TENT4B: variants seen among roughly 807,000 people sequenced by gnomAD.
The protein encoded by TENT4B is PAP associated domain containing 5.
In TENT4B, 10 loss-of-function variants were observed where a neutral mutation model predicts 75.0. The observed-to-expected ratio is 0.13, with a 90% CI of 0.08 to 0.23. The LOEUF is 0.23. Among genes scored for constraint, TENT4B ranks in the 10% least tolerant of loss-of-function variants. The probability of loss-of-function intolerance (pLI) is 1.00; values close to 1 mark genes in which losing one functional copy is unlikely to be tolerated. For synonymous variants in TENT4B, 350 were observed against 357.7 expected (o/e 0.98, Z 0.24); for missense variants, 579 against 893.8 (o/e 0.65, Z 4.49).
Position 50,221,251 on chromosome 16 carries a change from A to G in TENT4B, c.1039-1055A>G, listed in dbSNP as rs566012464. ...AGCCTGGGTGACAGAATGAGGGGGA[A>G]AAAAATGGAAATCACTAGTAATTTT... is the stretch of plus-strand genomic sequence containing the variant. On this transcript the variant is annotated intron_variant, in intron 5 of 11. Coordinates refer to ENST00000561678, the MANE Select transcript of TENT4B (RefSeq NM_001365324.3). 7.2e-5 allele frequency among the ~76,000 whole-genome samples: 11 copies of G among 152,304 alleles called. No individual in the cohort carries two copies. In the East Asian group the frequency reaches 1.9e-3, roughly 27 times the overall value.
intron 1 of TENT4B, among the ~76,000 whole-genome samples, chr16:50,187,448 T>C (rs1293250372): frequency 6.6e-6 from 1 of 151,930 alleles, no homozygotes; most frequent in Non-Finnish European, 1.5e-5. Flanking sequence ...CCAGGCATGG[T>C]GATGCATACC....
intron 1 of TENT4B, among the ~76,000 whole-genome samples, chr16:50,177,981 G>A (rs2038341562): frequency 6.6e-6 from 1 of 151,876 alleles, no homozygotes; most frequent in African/African-American, 2.4e-5. Flanking sequence ...CTGTTATTTA[G>A]AAGTGTATTG....
intron 1 of TENT4B, among the ~76,000 whole-genome samples, chr16:50,206,680 A>T (rs1007657273): frequency 9.2e-5 from 14 of 152,084 alleles, no homozygotes; most frequent in African/African-American, 3.4e-4. Context: ...CCCTTGGCCT[A>T]GAAGGCACAA....
At chr16:50,194,220 T>TC (rs2030054859) in intron 1 of TENT4B, among the ~76,000 whole-genome samples, 1 of 150,950 alleles carries the variant, frequency 6.6e-6, no homozygotes, top group Non-Finnish European at 1.5e-5. Context: ...TTCTTTCTTT[T>TC]TTTTTTTTTC....
Position 50,234,018 on chromosome 16 carries a change from C to G in TENT4B, c.*4690C>G. ...GTGGCTTCACCACTGAGCTACCTTT[C>G]ACTACACCAGCTTCTGTGTGGCCTG... On this transcript the variant is annotated 3_prime_UTR_variant, in exon 12 of 12. Transcript: ENST00000561678. 2 of 985,462 alleles carry G rather than the reference C, an allele frequency of 2.0e-6. No individual in the cohort carries two copies. The highest frequency in any genetic ancestry group is 2.4e-6 in the Non-Finnish European group (2 of 829,932). 61.0% of individuals were successfully genotyped at this position (985,462 alleles called of 1,614,324 possible).
At chr16:50,162,469 A>G (rs2150670370) in intron 1 of TENT4B, among the ~76,000 whole-genome samples, 1 of 152,286 alleles carries the variant, frequency 6.6e-6, no homozygotes, top group African/African-American at 2.4e-5. Context: ...CCTTGCTAGC[A>G]TTTAGTGTTA....
At chr16:50,156,345 ATTT>A (rs11346495) in intron 1 of TENT4B, among the ~76,000 whole-genome samples, 8 of 141,434 alleles carry the variant, frequency 5.7e-5, no homozygotes, top group Admixed American at 2.1e-4. Flanking sequence ...ATGTATTCTG[ATTT>A]TTTTTTTTTT....
intron 1 of TENT4B, among the ~76,000 whole-genome samples, chr16:50,206,317 A>G (rs1004172354): frequency 6.7e-6 from 1 of 150,280 alleles, no homozygotes; most frequent in Admixed American, 6.6e-5. Context: ...TCAAAATTGG[A>G]TATCATGAAC....
Position 50,217,538 on chromosome 16 carries a change from C to A in TENT4B, c.931-18C>A. The A allele has an allele frequency of 3.0e-6, 4 of 1,316,610 alleles. No homozygotes were observed. Among genetic ancestry groups the A allele is most frequent in the Non-Finnish European group, 4.1e-6 (4 of 966,156 alleles). 81.6% of individuals were successfully genotyped at this position (1,316,610 alleles called of 1,614,324 possible). On this transcript the variant is annotated intron_variant, in intron 4 of 11. Transcript: ENST00000561678. ...ATCTGGTTAAAGCATTTACATTTTA[C>A]CTTTCTTCTCTTTATAGGTACCTAT... is the stretch of plus-strand genomic sequence containing the variant.
In TENT4B at chr16:50,189,063, G is replaced by A. The variant is rs972235303; in HGVS notation, c.639-22260G>A. On this transcript the variant is annotated intron_variant, in intron 1 of 11. Coordinates refer to ENST00000561678, the MANE Select transcript of TENT4B (RefSeq NM_001365324.3). ...ATTTCTTAGTTTTAGCTGGTGATCC[G>A]TATCTTTTTCTTAATTCCATTGTAA... Among the ~76,000 whole-genome samples, 23 of 152,180 alleles carry A rather than the reference G, an allele frequency of 1.5e-4. No individual in the cohort carries two copies. In the East Asian group the frequency reaches 3.1e-3, roughly 20 times the overall value.
At chr16:50,224,854 A>G in intron 8 of TENT4B, 37 bp from the exon 9 acceptor site, 1 of 1,610,070 alleles carries the variant, frequency 6.2e-7, no homozygotes, top group East Asian at 2.2e-5. Flanking sequence ...AATTAATGTT[A>G]TTCCCTCCCT....
intron 6 of TENT4B, 54 bp from the exon 7 acceptor site, chr16:50,223,120 T>A: frequency 7.3e-7 from 1 of 1,374,066 alleles, no homozygotes; most frequent in Non-Finnish European, 1.0e-6. Flanking sequence ...TTATTCCCCC[T>A]CTCCTTGATA....
At chr16:50,214,517 G>A (rs2031449700) in intron 3 of TENT4B, among the ~76,000 whole-genome samples, 2 of 152,210 alleles carry the variant, frequency 1.3e-5, no homozygotes, top group African/African-American at 2.4e-5. Flanking sequence ...TTAGCCAGGC[G>A]TAGCAGTGCG....
chr16:50,174,939 C>T (rs2038276917), intron 1 of TENT4B, among the ~76,000 whole-genome samples: 2 of 151,942 alleles, frequency 1.3e-5, no homozygotes, highest in African/African-American at 4.8e-5. Context: ...GATGGGGTTT[C>T]ACCATCTTAG....
intron 5 of TENT4B, among the ~76,000 whole-genome samples, chr16:50,219,627 A>G (rs1440902134): frequency 6.6e-6 from 1 of 151,978 alleles, no homozygotes; most frequent in African/African-American, 2.4e-5. Context: ...ATTCTGTTGG[A>G]TATTTCCCTA....
intron 1 of TENT4B, among the ~76,000 whole-genome samples, chr16:50,157,464 T>C (rs529654290): frequency 3.3e-5 from 5 of 152,382 alleles, no homozygotes; most frequent in East Asian, 3.9e-4. Context: ...GAGTAAGATA[T>C]TGGATTTCAT....
Position 50,229,810 on chromosome 16 carries a change from T to G in TENT4B, c.*482T>G, listed in dbSNP as rs1391806337. On this transcript the variant is annotated 3_prime_UTR_variant, in exon 12 of 12. Transcript: ENST00000561678. ...TTTTTTTAAATATTTTTGCATATAT[T>G]TACCATTTTATTGTGTGTATATATA... 6 of 954,036 alleles carry G rather than the reference T, an allele frequency of 6.3e-6. No homozygotes were observed. In the South Asian group the frequency reaches 2.4e-4, roughly 39 times the overall value. The allele number at this position is 954,036 out of a possible 1,614,324, so 59.1% of individuals were successfully genotyped here.
chr16:50,200,928 C>T (rs1371729836), intron 1 of TENT4B, among the ~76,000 whole-genome samples: 1 of 151,928 alleles, frequency 6.6e-6, no homozygotes, highest in Non-Finnish European at 1.5e-5. Context: ...TTCCGAGTAG[C>T]TGGGACTATA....
chr16:50,199,502 A>G (rs768359976), intron 1 of TENT4B, among the ~76,000 whole-genome samples: 1 of 152,234 alleles, frequency 6.6e-6, no homozygotes, highest in Non-Finnish European at 1.5e-5. Context: ...TTTGTGCTCT[A>G]AAAATTTTGT....
Sources: gnomAD v4.1 joint callset for allele counts (sites outside exome capture counted in the v4.1 genomes callset) on GRCh38, gnomAD v4.1.1 for gene constraint, MANE v1.5 for transcripts, NCBI Gene and HGNC (gene_info 2026-07-23, HGNC 2026-07-21) for gene names.